Variants in EPHA6 observed in about 807,000 individuals in gnomAD.
EPHA6 encodes the protein ephrin type-A receptor 6.
EPHA6 carries 50 observed loss-of-function variants against 112.0 expected under a neutral mutation model. The observed-to-expected ratio is 0.45, with a 90% CI of 0.36 to 0.56. The LOEUF (loss-of-function observed/expected upper bound fraction) is 0.56, where lower values mean the gene tolerates loss of function less well. Ranked by LOEUF, EPHA6 falls within the 20% of genes least tolerant of loss-of-function variation. The pLI is 0.00. For missense variants in EPHA6, 1,280 were observed against 1,417.4 expected (o/e 0.90, Z 1.56); for synonymous variants, 529 against 490.7 (o/e 1.08, Z -1.03).
At chr3:97,407,876 A>G (rs2087461158) in intron 6 of EPHA6, among the ~76,000 whole-genome samples, 1 of 152,070 alleles carries the variant, frequency 6.6e-6, no homozygotes, top group African/African-American at 2.4e-5. Flanking sequence ...TTCTATTCAT[A>G]TCGAAGAGCA....
chr3:97,631,207 T>A (rs2093900076), intron 13 of EPHA6, among the ~76,000 whole-genome samples: 1 of 152,022 alleles, frequency 6.6e-6, no homozygotes. Context: ...CAAAGGACGA[T>A]CAGTACCCCA....
intron 3 of EPHA6, among the ~76,000 whole-genome samples, chr3:97,159,367 C>T (rs944821620): frequency 7.2e-5 from 11 of 152,090 alleles, no homozygotes; most frequent in African/African-American, 2.4e-4. Flanking sequence ...ATCATCATTA[C>T]GTATGTTGGT....
intron 12 of EPHA6, among the ~76,000 whole-genome samples, chr3:97,599,312 T>A (rs1296906135): frequency 1.3e-5 from 2 of 150,864 alleles, no homozygotes; most frequent in East Asian, 3.9e-4. Context: ...TGCCATTGCT[T>A]TTGGTGTTTT....
At chr3:96,891,417 G>A (rs1348580801) in intron 2 of EPHA6, among the ~76,000 whole-genome samples, 1 of 152,140 alleles carries the variant, frequency 6.6e-6, no homozygotes, top group East Asian at 1.9e-4. Flanking sequence ...CACGATAAAG[G>A]TGACTGGAAG....
chr3:97,497,330 TG>T (rs1328794606), intron 10 of EPHA6, among the ~76,000 whole-genome samples: 1 of 152,184 alleles, frequency 6.6e-6, no homozygotes, highest in African/African-American at 2.4e-5. Context: ...CCTTTGCACC[TG>T]GTATTCTGTC....
intron 5 of EPHA6, among the ~76,000 whole-genome samples, chr3:97,382,855 T>C (rs1389586860): frequency 3.3e-5 from 5 of 152,012 alleles, no homozygotes; most frequent in Non-Finnish European, 7.4e-5. Context: ...CCTTGTATTC[T>C]TGAGAAAAAA....
At chr3:97,310,573 G>A (rs1052472604) in intron 5 of EPHA6, among the ~76,000 whole-genome samples, 1 of 151,328 alleles carries the variant, frequency 6.6e-6, no homozygotes, top group African/African-American at 2.4e-5. Flanking sequence ...AAAGAGTCTG[G>A]TCACACTACC....
intron 5 of EPHA6, among the ~76,000 whole-genome samples, chr3:97,330,085 C>T (rs2082705957): frequency 1.3e-5 from 2 of 151,948 alleles, no homozygotes; most frequent in Admixed American, 6.6e-5. Flanking sequence ...ATCCTTTCCC[C>T]ATTTCTTGTT....
intron 3 of EPHA6, among the ~76,000 whole-genome samples, chr3:97,060,796 C>T (rs918807578): frequency 6.6e-6 from 1 of 150,784 alleles, no homozygotes; most frequent in South Asian, 2.1e-4. Flanking sequence ...TAGTGGCAGG[C>T]GCCTGTAGTC....
chr3:97,368,271 C>T (rs1241981200), intron 5 of EPHA6, among the ~76,000 whole-genome samples: 1 of 152,082 alleles, frequency 6.6e-6, no homozygotes, highest in East Asian at 1.9e-4. Context: ...CTAGTCTACA[C>T]AGACATTAAA....
intron 3 of EPHA6, among the ~76,000 whole-genome samples, chr3:97,143,741 TC>T (rs2075968374): frequency 1.3e-5 from 2 of 151,818 alleles, no homozygotes; most frequent in Admixed American, 6.6e-5. Context: ...TTTTCTTGTA[TC>T]CCATCACCAA....
intron 3 of EPHA6, among the ~76,000 whole-genome samples, chr3:97,164,466 T>G (rs1031747862): frequency 6.6e-6 from 1 of 152,154 alleles, no homozygotes; most frequent in African/African-American, 2.4e-5. Context: ...AGTTTAAACC[T>G]CTCATGTTGC....
At chr3:97,018,386 G>T (rs556724339) in intron 3 of EPHA6, among the ~76,000 whole-genome samples, 1 of 151,982 alleles carries the variant, frequency 6.6e-6, no homozygotes, top group Non-Finnish European at 1.5e-5. Context: ...CCACCAAGTC[G>T]CAGAGACCAG....
intron 15 of EPHA6, among the ~76,000 whole-genome samples, chr3:97,734,298 G>A (rs2035162270): frequency 6.6e-6 from 1 of 151,994 alleles, no homozygotes; most frequent in Non-Finnish European, 1.5e-5. Flanking sequence ...GGAATTCTAT[G>A]CTATTTCTCT....
intron 5 of EPHA6, among the ~76,000 whole-genome samples, chr3:97,311,558 T>C (rs1369083731): frequency 2.6e-5 from 4 of 151,682 alleles, no homozygotes; most frequent in Non-Finnish European, 5.9e-5. Flanking sequence ...TTCTTTCCCT[T>C]TTTGAATTGC....
At chr3:96,993,324 G>C (rs1378964169) in intron 3 of EPHA6, among the ~76,000 whole-genome samples, 9 of 149,322 alleles carry the variant, frequency 6.0e-5, no homozygotes, top group Non-Finnish European at 1.3e-4. Context: ...ATGAGACAGA[G>C]TCTCTCTCTG....
chr3:97,456,520 A>T (rs1363115121), intron 7 of EPHA6, among the ~76,000 whole-genome samples: 2 of 152,192 alleles, frequency 1.3e-5, no homozygotes, highest in Non-Finnish European at 2.9e-5. Flanking sequence ...ATAAATACAC[A>T]ATACTCAGTA....
At chr3:97,559,271 A>T (rs1209042408) in intron 11 of EPHA6, among the ~76,000 whole-genome samples, 1 of 152,048 alleles carries the variant, frequency 6.6e-6, no homozygotes, top group African/African-American at 2.4e-5. Context: ...ATTCTACTGA[A>T]ATCATAGTGG....
intron 3 of EPHA6, among the ~76,000 whole-genome samples, chr3:97,027,421 C>A (rs757109014): frequency 3.4e-4 from 51 of 151,884 alleles, no homozygotes; most frequent in Non-Finnish European, 6.0e-4. Context: ...AAAACTGTAC[C>A]TGTAACCCTA....
Sources: allele counts gnomAD v4.1 joint callset (sites outside exome capture counted in the v4.1 genomes callset), GRCh38; gene constraint gnomAD v4.1.1; transcripts MANE v1.5; gene names NCBI Gene and HGNC (gene_info 2026-07-23, HGNC 2026-07-21).